The following SNTG2 variants were observed in gnomAD, a reference collection of about 807,000 sequenced individuals.
SNTG2 encodes the protein syntrophin gamma 2.
A neutral mutation model predicts 70.9 loss-of-function variants in SNTG2; 74 were observed. The ratio of observed to expected loss-of-function variants is 1.04; its 90% CI spans 0.86 to 1.27. SNTG2 has a LOEUF of 1.27. Among genes scored for constraint, SNTG2 ranks in the 50% most tolerant of loss-of-function variants. SNTG2 has a pLI of 0.00. For missense variants in SNTG2, 717 were observed against 690.7 expected (o/e 1.04, Z -0.43); for synonymous variants, 278 against 273.8 (o/e 1.02, Z -0.15).
intron 6 of SNTG2, chr2:1,158,346 A>G (rs6724202): frequency 0.77 from 116,536 of 152,126 alleles, 45,699 homozygotes; most frequent in Non-Finnish European, 0.86. Context: ...GTACACTATG[A>G]GAAGTGGTTC....
intron 8 of SNTG2, among the ~76,000 whole-genome samples, chr2:1,196,784 T>C (rs28881331): frequency 0.24 from 35,837 of 152,020 alleles, 4,934 homozygotes; most frequent in East Asian, 0.44. Flanking sequence ...CTAGAAAAGC[T>C]ATTCTTCAAA....
At chr2:1,136,908 T>TC in intron 4 of SNTG2, among the ~76,000 whole-genome samples, 1 of 152,182 alleles carries the variant, frequency 6.6e-6, no homozygotes, top group Admixed American at 6.5e-5. Flanking sequence ...TCTCTGTACG[T>TC]TTGCTTATGA....
chr2:1,131,267 G>A (rs899469730), intron 4 of SNTG2, among the ~76,000 whole-genome samples: 4 of 152,094 alleles, frequency 2.6e-5, no homozygotes, highest in East Asian at 1.9e-4. Context: ...GTCTGTGTTC[G>A]GCTAGTGTTT....
chr2:1,353,789 T>C lies in SNTG2; in HGVS notation c.1489-13554T>C, dbSNP rs1660704861. 6.6e-6 allele frequency: 1 copy of C among 152,226 alleles called. No homozygotes were observed. The highest frequency in any genetic ancestry group is 2.4e-5 in the African/African-American group (1 of 41,454). The allele number at this position is 152,226 out of a possible 1,614,324, so 9.4% of individuals were successfully genotyped here. A position where few individuals can be genotyped will look rare whatever the true frequency, so the allele number is the denominator to read the frequency against. On this transcript the variant is annotated intron_variant, in intron 16 of 16. Coordinates refer to ENST00000308624, the MANE Select transcript of SNTG2 (RefSeq NM_018968.4). This position sits in a 1 kb window ranked among gnomAD's most constrained non-coding sequence, Gnocchi z 4.2. The stretch of plus-strand genomic sequence containing the variant: ...TTTGTGACAAATGTCCAGCAGTTTG[T>C]GCACTGAGACGGAAAAATGGACCGT...
At chr2:1,202,295 C>A (rs1673323111) in intron 8 of SNTG2, among the ~76,000 whole-genome samples, 1 of 126,604 alleles carries the variant, frequency 7.9e-6, no homozygotes, top group Non-Finnish European at 1.7e-5. Context: ...AAAAATAGAA[C>A]CAAGGGCACA....
chr2:995,288 A>G (rs115647664), intron 1 of SNTG2, among the ~76,000 whole-genome samples: 3,329 of 152,138 alleles, frequency 0.022, 55 homozygotes, highest in Non-Finnish European at 0.032. Flanking sequence ...GTTGGATTTT[A>G]TCTAATGCTT....
intron 1 of SNTG2, among the ~76,000 whole-genome samples, chr2:1,063,587 C>T (rs1453544234): frequency 6.6e-6 from 1 of 152,160 alleles, no homozygotes; most frequent in Non-Finnish European, 1.5e-5. Flanking sequence ...CTATGACCCA[C>T]ATGTGTGATT....
intron 16 of SNTG2, among the ~76,000 whole-genome samples, chr2:1,346,770 A>G (rs138136341): frequency 7.5e-4 from 114 of 152,216 alleles, no homozygotes; most frequent in African/African-American, 2.5e-3. Flanking sequence ...AAGTCAGTGC[A>G]TGGAGGGTGT....
chr2:1,171,782 G>A (rs188452802), intron 7 of SNTG2, among the ~76,000 whole-genome samples: 2 of 152,258 alleles, frequency 1.3e-5, no homozygotes, highest in Admixed American at 6.5e-5. Flanking sequence ...AAAAATATGA[G>A]TCTTTGTAGA....
chr2:1,214,431 G>A lies in SNTG2; in HGVS notation c.719+5201G>A, dbSNP rs186769056. On this transcript the variant is annotated intron_variant, in intron 9 of 16. Coordinates refer to ENST00000308624, the MANE Select transcript of SNTG2 (RefSeq NM_018968.4). ...GTCATCTATAATTTCCTTTATCAAT[G>A]TATATTTTTCATTGTACAGATCTTT... 1.3e-4 allele frequency among the ~76,000 whole-genome samples: 20 copies of A among 152,136 alleles called. No homozygotes were observed. The East Asian group carries it at 2.7e-3, about 21-fold the overall frequency.
intron 14 of SNTG2, among the ~76,000 whole-genome samples, chr2:1,307,003 C>G (rs980322155): frequency 4.7e-5 from 7 of 149,890 alleles, no homozygotes; most frequent in African/African-American, 1.5e-4. Flanking sequence ...GAGTCATGCA[C>G]TGTGTGTGTC....
intron 1 of SNTG2, among the ~76,000 whole-genome samples, chr2:1,072,210 AGAG>A (rs148254959): frequency 0.015 from 2,323 of 152,278 alleles, 70 homozygotes; most frequent in African/African-American, 0.053. Context: ...TCATAGCTGG[AGAG>A]GAGAAGTCAG....
At chr2:1,231,987 G>A (rs1353451738) in intron 9 of SNTG2, among the ~76,000 whole-genome samples, 1 of 152,188 alleles carries the variant, frequency 6.6e-6, no homozygotes, top group African/African-American at 2.4e-5. Context: ...CCTGAAGGCT[G>A]CTTCCTGTTC....
intron 1 of SNTG2, among the ~76,000 whole-genome samples, chr2:1,019,062 C>T (rs368751525): frequency 2.0e-5 from 3 of 152,214 alleles, no homozygotes; most frequent in Non-Finnish European, 4.4e-5. Flanking sequence ...ATCAGCTCTT[C>T]GAGCAGGTGC....
At chr2:1,050,043 GGTT>G (rs1455775166) in intron 1 of SNTG2, among the ~76,000 whole-genome samples, 1 of 151,880 alleles carries the variant, frequency 6.6e-6, no homozygotes, top group African/African-American at 2.4e-5. Flanking sequence ...GTTTCTCCTG[GGTT>G]GTTTTTTGTT....
At chr2:1,228,658 C>T (rs758815993) in intron 9 of SNTG2, among the ~76,000 whole-genome samples, 3 of 152,194 alleles carry the variant, frequency 2.0e-5, no homozygotes, top group Non-Finnish European at 2.9e-5. Context: ...TCTGTTGCTC[C>T]GTTCGTTGTC....
intron 4 of SNTG2, among the ~76,000 whole-genome samples, chr2:1,122,530 T>C (rs1400790516): frequency 6.6e-6 from 1 of 152,034 alleles, no homozygotes; most frequent in African/African-American, 2.4e-5. Flanking sequence ...CCAATATCTA[T>C]GATAAAAAAT....
At chr2:1,045,517 A>G (rs1661684371) in intron 1 of SNTG2, among the ~76,000 whole-genome samples, 2 of 152,040 alleles carry the variant, frequency 1.3e-5, no homozygotes, top group South Asian at 4.1e-4. Context: ...TTGGGTGTTT[A>G]GCACCATGAG....
At chr2:1,162,059 G>GCA (rs551518745) in intron 6 of SNTG2, among the ~76,000 whole-genome samples, 8 of 113,776 alleles carry the variant, frequency 7.0e-5, no homozygotes, top group Admixed American at 1.2e-4. Flanking sequence ...GGGCGACAGT[G>GCA]AGACTCCGTC....
Sources: gnomAD v4.1 joint callset for allele counts (sites outside exome capture counted in the v4.1 genomes callset) on GRCh38, gnomAD v4.1.1 for gene constraint, Gnocchi (gnomAD v3.1) non-coding constraint, MANE v1.5 for transcripts, NCBI Gene and HGNC (gene_info 2026-07-23, HGNC 2026-07-21) for gene names.